POTEH: variants seen among roughly 807,000 people sequenced by gnomAD.
POTEH encodes the protein POTE ankyrin domain family member H, also known as ANKRD26-like family C member 3.
POTEH carries 6 observed loss-of-function variants against 41.7 expected under a neutral mutation model. The ratio of observed to expected loss-of-function variants is 0.14; its 90% CI spans 0.08 to 0.28. The LOEUF (loss-of-function observed/expected upper bound fraction) is 0.28, where lower values mean the gene tolerates loss of function less well. Ranked by LOEUF, POTEH falls within the 10% of genes least tolerant of loss-of-function variation. The probability of loss-of-function intolerance (pLI) is 1.00; values close to 1 mark genes in which losing one functional copy is unlikely to be tolerated. For missense variants in POTEH, 115 were observed against 533.5 expected (o/e 0.22, Z 7.73); for synonymous variants, 38 against 179.9 (o/e 0.21, Z 6.31).
intron 1 of POTEH, among the ~76,000 whole-genome samples, chr22:15,691,525 C>CAAAAAAAAAA (rs1173004751): frequency 1.1e-5 from 1 of 88,096 alleles, no homozygotes; most frequent in South Asian, 3.4e-4. Context: ...GACTCCGTCT[C>CAAAAAAAAAA]AAAAAAAAAA....
Position 15,690,034 on chromosome 22 carries a change from C to T in POTEH, c.-44C>T, listed in dbSNP as rs375929811. 3.9e-4 allele frequency: 538 copies of T among 1,395,912 alleles called. 34 individuals are homozygous for T. In the African/African-American group the frequency reaches 5.3e-3, roughly 14 times the overall value. 86.5% of individuals were successfully genotyped at this position (1,395,912 alleles called of 1,614,324 possible). On this transcript the variant is annotated 5_prime_UTR_variant, in exon 1 of 11. Transcript: ENST00000343518. ...AGTTGGTGAAACTGGTTGGTAGACGCGATCTGCTGGCTACTACCGGCCTTC... is the reference window on the plus strand; with the variant it reads ...AGTTGGTGAAACTGGTTGGTAGACGTGATCTGCTGGCTACTACCGGCCTTC...
At chr22:15,690,863 CT>C (rs1309302562) in intron 1 of POTEH, among the ~76,000 whole-genome samples, 154 bp downstream of exon 1, 1 of 130,072 alleles carries the variant, frequency 7.7e-6, no homozygotes, top group African/African-American at 2.8e-5. Context: ...GCACAGGCCC[CT>C]TTATGAGCAG....
intron 9 of POTEH, among the ~76,000 whole-genome samples, chr22:15,712,560 T>A (rs1221352998): frequency 6.6e-5 from 1 of 15,092 alleles, no homozygotes. Context: ...AAGGTGCTGC[T>A]AATGCATTGA....
intron 1 of POTEH, among the ~76,000 whole-genome samples, chr22:15,692,009 A>ATATATAAAC (rs1421248855): frequency 2.3e-5 from 3 of 128,582 alleles, no homozygotes; most frequent in Non-Finnish European, 3.5e-5. Context: ...TATATATATA[A>ATATATAAAC]ATTTCTTTTT....
chr22:15,713,869 C>G (rs1989871878), intron 9 of POTEH, among the ~76,000 whole-genome samples: 3 of 152,286 alleles, frequency 2.0e-5, no homozygotes, highest in Non-Finnish European at 4.4e-5. Context: ...AGATCTCACT[C>G]CTTAATTCCA....
rs539882851 is a variant in POTEH, at chr22:15,696,805, C to T, written c.921+987C>T. Among the ~76,000 whole-genome samples the T allele has an allele frequency of 8.4e-5, 11 of 130,210 alleles. 1 individual carries two copies. Among genetic ancestry groups the T allele is most frequent in the Non-Finnish European group, 1.5e-4 (9 of 61,040 alleles). 85.4% of individuals were successfully genotyped at this position (130,210 alleles called of 152,430 possible). A position where few individuals can be genotyped will look rare whatever the true frequency, so the allele number is the denominator to read the frequency against. On this transcript the variant is annotated intron_variant, in intron 3 of 10. Coordinates refer to ENST00000343518, the MANE Select transcript of POTEH (RefSeq NM_001136213.1). ...TGTGGTGTTTTCAGCAAATGGGTCT[C>T]TCTCCTACTCTTTACTCTTTTTGGC...
chr22:15,691,843 T>C (rs1360546669), intron 1 of POTEH, among the ~76,000 whole-genome samples: 1 of 149,302 alleles, frequency 6.7e-6, no homozygotes, highest in African/African-American at 2.4e-5. Flanking sequence ...TTAAAAAAGA[T>C]GGATTGTTCA....
intron 1 of POTEH, 108 bp downstream of exon 1, chr22:15,690,817 C>T: frequency 7.5e-7 from 1 of 1,337,868 alleles, no homozygotes; most frequent in Non-Finnish European, 1.0e-6. Flanking sequence ...ACAGGCCTCA[C>T]ACCACCCTGG....
intron 1 of POTEH, 31 bp downstream of exon 1, chr22:15,690,740 A>AT (rs1218719249): frequency 7.2e-7 from 1 of 1,397,234 alleles, no homozygotes; most frequent in Non-Finnish European, 9.9e-7. Context: ...AGGAGGTGGG[A>AT]TGTGGGAGGA....
At chr22:15,709,092 A>T in intron 7 of POTEH, among the ~76,000 whole-genome samples, 1 of 147,496 alleles carries the variant, frequency 6.8e-6, no homozygotes, top group South Asian at 2.1e-4. Context: ...CACAAACACA[A>T]TAACATTCTA....
At chr22:15,691,894 C>G (rs1439847906) in intron 1 of POTEH, among the ~76,000 whole-genome samples, 5 of 146,974 alleles carry the variant, frequency 3.4e-5, no homozygotes, top group Middle Eastern at 3.6e-3. Flanking sequence ...GTTTATATCA[C>G]AAAAATCAGA....
At position 15,713,457 on chromosome 22, in the gene POTEH, A is replaced by G. The variant is rs1236062050; in HGVS notation, c.1520+2423A>G. ...CTCCTCCTCATCTTTCTCCTTTTGG[A>G]CATTGCTGTTTCTCATGGCTCAGTC... On this transcript the variant is annotated intron_variant, in intron 9 of 10. Coordinates refer to ENST00000343518, the MANE Select transcript of POTEH (RefSeq NM_001136213.1). Among the ~76,000 whole-genome samples, 4 of 152,094 alleles carry G rather than the reference A, an allele frequency of 2.6e-5. No homozygotes were observed. In the South Asian group the frequency reaches 8.3e-4, roughly 32 times the overall value.
chr22:15,692,866 C>T (rs1329598870), intron 1 of POTEH, among the ~76,000 whole-genome samples: 1 of 128,456 alleles, frequency 7.8e-6, no homozygotes, highest in African/African-American at 2.8e-5. Flanking sequence ...CAAACAGGCA[C>T]TTTAGTGGTA....
chr22:15,693,427 G>C (rs1294215021), intron 1 of POTEH, among the ~76,000 whole-genome samples: 1 of 152,202 alleles, frequency 6.6e-6, no homozygotes, highest in Non-Finnish European at 1.5e-5. Context: ...AGAAGTAGAG[G>C]GATTGTGTTT....
chr22:15,714,483 A>G (rs1373237663), intron 9 of POTEH, among the ~76,000 whole-genome samples: 4 of 151,898 alleles, frequency 2.6e-5, no homozygotes, highest in African/African-American at 2.4e-5. Flanking sequence ...TGTTTCAGCC[A>G]CACTGAACTT....
intron 9 of POTEH, among the ~76,000 whole-genome samples, chr22:15,713,747 G>A (rs867863870): frequency 7.7e-3 from 1,137 of 148,156 alleles, no homozygotes; most frequent in African/African-American, 0.028. Flanking sequence ...TGATCTGCCC[G>A]CCTTGGCCTC....
rs1239171764 is a variant in POTEH, at chr22:15,690,115, C to G, written c.38C>G (p.Ser13Cys). The part of the protein sequence containing the change: ...AEAGSMPAAS[S>C]VKKPFGLRSK... ...GCTGGTTCAATGCCGGCTGCCTCCT[C>G]TGTGAAGAAGCCATTTGGTCTCAGA... is the stretch of plus-strand genomic sequence containing the variant. Residue 13 changes from serine to cysteine, a missense_variant, in exon 1 of 11, where the codon TCT becomes TGT. Ser to Cys is a moderately radical substitution (Grantham distance 112). Transcript: ENST00000343518. The G allele has an allele frequency of 7.1e-7, 1 of 1,407,372 alleles. No homozygotes were observed. Among genetic ancestry groups the G allele is most frequent in the African/African-American group, 1.5e-5 (1 of 66,580 alleles). The allele number at this position is 1,407,372 out of a possible 1,614,324, so 87.2% of individuals were successfully genotyped here.
rs551485043 is a variant in POTEH at position 15,693,043 on chromosome 22, G to A, written c.633-2328G>A. Among the ~76,000 whole-genome samples the A allele has an allele frequency of 1.3e-4, 17 of 126,256 alleles. No homozygotes were observed. In the South Asian group the frequency reaches 2.8e-3, roughly 21 times the overall value. 82.8% of individuals were successfully genotyped at this position (126,256 alleles called of 152,430 possible). A position where few individuals can be genotyped will look rare whatever the true frequency, so the allele number is the denominator to read the frequency against. Reference sequence around the variant, plus strand: ...ACAAATTTCAGTGCATCCATAGGACGGAATAATATGTAACTATTGAGGGTG... The same window carrying A: ...ACAAATTTCAGTGCATCCATAGGACAGAATAATATGTAACTATTGAGGGTG... On this transcript the variant is annotated intron_variant, in intron 1 of 10. Transcript: ENST00000343518.
chr22:15,692,129 T>G (rs1306692640), intron 1 of POTEH, among the ~76,000 whole-genome samples: 6 of 129,804 alleles, frequency 4.6e-5, no homozygotes, highest in Non-Finnish European at 3.5e-5. Flanking sequence ...TTCAGCCTAC[T>G]GAGTAGCTGG....
Sources: gnomAD v4.1 joint callset for allele counts (sites outside exome capture counted in the v4.1 genomes callset) on GRCh38, gnomAD v4.1.1 for gene constraint, MANE v1.5 for transcripts, NCBI Gene and HGNC (gene_info 2026-07-23, HGNC 2026-07-21) for gene names.